ERC2: variants seen among roughly 807,000 people sequenced by gnomAD.
The protein encoded by ERC2 is ELKS/RAB6-interacting/CAST family member 2.
In ERC2, 42 loss-of-function variants were observed where a neutral mutation model predicts 114.8. The observed-to-expected ratio is 0.37, with a 90% CI of 0.29 to 0.47. The LOEUF (loss-of-function observed/expected upper bound fraction) is 0.47. ERC2 is among the 20% of genes least tolerant of loss of function. The pLI, the probability that ERC2 is intolerant of heterozygous loss-of-function variation, is 0.99. For missense variants in ERC2, 939 were observed against 1,150.7 expected (o/e 0.82, Z 2.66); for synonymous variants, 454 against 425.5 (o/e 1.07, Z -0.82).
intron 3 of ERC2, among the ~76,000 whole-genome samples, chr3:56,259,527 T>C (rs2052765167): frequency 6.6e-6 from 1 of 152,062 alleles, no homozygotes; most frequent in African/African-American, 2.4e-5. Flanking sequence ...TCAGAGTGAC[T>C]GGGGACACAA....
chr3:56,276,676 A>G (rs2054019518), intron 3 of ERC2, among the ~76,000 whole-genome samples: 1 of 152,202 alleles, frequency 6.6e-6, no homozygotes, highest in Non-Finnish European at 1.5e-5. Flanking sequence ...GGTTAAAATT[A>G]TATAGCTTCT....
At chr3:55,830,558 GT>G (rs1305166305) in intron 14 of ERC2, among the ~76,000 whole-genome samples, 2 of 152,150 alleles carry the variant, frequency 1.3e-5, no homozygotes, top group African/African-American at 4.8e-5. Flanking sequence ...AGGTTGTGAG[GT>G]TTCTCAATTT....
chr3:55,824,603 A>T (rs1220913749), intron 14 of ERC2, among the ~76,000 whole-genome samples: 3 of 152,210 alleles, frequency 2.0e-5, no homozygotes, highest in African/African-American at 2.4e-5. Flanking sequence ...GGATTCTGAG[A>T]GTTCCCACAA....
chr3:55,585,040 G>T (rs2057526102), intron 17 of ERC2, among the ~76,000 whole-genome samples: 2 of 152,226 alleles, frequency 1.3e-5, no homozygotes, highest in Non-Finnish European at 2.9e-5. Context: ...GTGGGGAGAA[G>T]CTCAGGAGGA....
intron 14 of ERC2, among the ~76,000 whole-genome samples, chr3:55,861,320 G>T (rs1364308274): frequency 1.3e-5 from 2 of 152,198 alleles, no homozygotes; most frequent in African/African-American, 4.8e-5. Flanking sequence ...AGCCAGCGCA[G>T]CTGGTTGCAC....
At position 56,146,681 on chromosome 3, in the gene ERC2, G is replaced by A. The variant is rs577719895; in HGVS notation, c.1305+2296C>T. ...TAGTCCATCTGAACCATCCTGTAAG[G>A]TTGGTGCTGTCGCCCCTATTTTATA... is the stretch of plus-strand genomic sequence containing the variant. On this transcript the variant is annotated intron_variant, in intron 5 of 17. Coordinates refer to ENST00000288221, the MANE Select transcript of ERC2 (RefSeq NM_015576.3). Among the ~76,000 whole-genome samples, 259 of 152,248 alleles carry A rather than the reference G, an allele frequency of 1.7e-3. 2 individuals are homozygous for A. The highest frequency in any genetic ancestry group is 3.4e-3 in the Middle Eastern group (1 of 294).
intron 1 of ERC2, among the ~76,000 whole-genome samples, chr3:56,449,384 G>A (rs1228870140): frequency 6.6e-6 from 1 of 152,160 alleles, no homozygotes; most frequent in Non-Finnish European, 1.5e-5. Flanking sequence ...TCCAGTGGAC[G>A]GTGCAGTCAG....
At chr3:56,324,743 G>A (rs531585909) in intron 2 of ERC2, among the ~76,000 whole-genome samples, 1 of 152,138 alleles carries the variant, frequency 6.6e-6, no homozygotes, top group South Asian at 2.1e-4. Context: ...CTGCAGGAAG[G>A]GTAAAATTAA....
chr3:56,377,662 A>G (rs1256876205), intron 2 of ERC2, among the ~76,000 whole-genome samples: 2 of 152,224 alleles, frequency 1.3e-5, no homozygotes, highest in African/African-American at 4.8e-5. Flanking sequence ...ATCATATCGT[A>G]TTAAAAATAA....
chr3:55,776,318 G>A (rs2068615021), intron 14 of ERC2, among the ~76,000 whole-genome samples: 1 of 152,148 alleles, frequency 6.6e-6, no homozygotes, highest in Admixed American at 6.5e-5. Flanking sequence ...AATGATGGGG[G>A]AGATTGTCAT....
At chr3:55,683,920 G>A (rs1333830718) in intron 16 of ERC2, 61 bp from the exon 17 acceptor site, 1 of 1,581,714 alleles carries the variant, frequency 6.3e-7, no homozygotes, top group Non-Finnish European at 8.6e-7. Flanking sequence ...AATGAAAGAA[G>A]AGAAGGTTAG....
intron 7 of ERC2, among the ~76,000 whole-genome samples, chr3:56,035,929 T>A (rs1181708733): frequency 1.3e-5 from 2 of 152,042 alleles, no homozygotes; most frequent in African/African-American, 2.4e-5. Flanking sequence ...TACAGTCCAA[T>A]ATCCCTGATG....
intron 2 of ERC2, among the ~76,000 whole-genome samples, chr3:56,345,727 G>A (rs1386234609): frequency 6.6e-6 from 1 of 152,160 alleles, no homozygotes; most frequent in Non-Finnish European, 1.5e-5. Context: ...AAGGGCATCA[G>A]AGCAGTATTG....
At chr3:55,920,446 A>ACACACCCCCCC (rs57638674) in intron 13 of ERC2, among the ~76,000 whole-genome samples, 5 of 145,548 alleles carry the variant, frequency 3.4e-5, no homozygotes, top group African/African-American at 1.3e-4. Context: ...ACACACACAC[A>ACACACCCCCCC]CCCCAAGTGA....
intron 1 of ERC2, among the ~76,000 whole-genome samples, chr3:56,460,524 T>A (rs2063263460): frequency 6.6e-6 from 1 of 152,240 alleles, no homozygotes; most frequent in Non-Finnish European, 1.5e-5. Context: ...ATAATACATT[T>A]ACCTGTATAG....
intron 14 of ERC2, among the ~76,000 whole-genome samples, chr3:55,885,471 A>C (rs1400697098): frequency 1.3e-5 from 2 of 152,206 alleles, no homozygotes; most frequent in Non-Finnish European, 2.9e-5. Context: ...AATAGGGCCC[A>C]TATCAGGCTT....
intron 14 of ERC2, among the ~76,000 whole-genome samples, chr3:55,839,671 C>A (rs2149212206): frequency 6.6e-6 from 1 of 151,470 alleles, no homozygotes; most frequent in South Asian, 2.1e-4. Flanking sequence ...CTAAAGCAAC[C>A]ACCAAAATAA....
chr3:55,801,682 C>T (rs1335392327), intron 14 of ERC2, among the ~76,000 whole-genome samples: 1 of 152,236 alleles, frequency 6.6e-6, no homozygotes, highest in Non-Finnish European at 1.5e-5. Flanking sequence ...ACAGGAGCAT[C>T]ACCTGGAAGT....
intron 17 of ERC2, among the ~76,000 whole-genome samples, chr3:55,598,890 T>C (rs2058272036): frequency 7.3e-6 from 1 of 137,668 alleles, no homozygotes; most frequent in Admixed American, 6.9e-5. Flanking sequence ...TATGCTAGAA[T>C]AGAAAGTTTC....
Sources: allele counts gnomAD v4.1 joint callset (sites outside exome capture counted in the v4.1 genomes callset), GRCh38; gene constraint gnomAD v4.1.1; transcripts MANE v1.5; gene names NCBI Gene and HGNC (gene_info 2026-07-23, HGNC 2026-07-21).